Variants in SUGCT observed in about 807,000 individuals in gnomAD.
SUGCT encodes the protein succinyl-CoA:glutarate CoA-transferase.
A neutral mutation model predicts 55.0 loss-of-function variants in SUGCT; 41 were observed. That is an observed-to-expected ratio of 0.74 (90% confidence interval 0.58 to 0.97). The LOEUF (loss-of-function observed/expected upper bound fraction) is 0.97, where lower values mean the gene tolerates loss of function less well. Among genes scored for constraint, SUGCT ranks in the 50% least tolerant of loss-of-function variants. The probability of loss-of-function intolerance (pLI) is 0.00; values close to 1 mark genes in which losing one functional copy is unlikely to be tolerated. For missense variants in SUGCT, 568 were observed against 547.8 expected (o/e 1.04, Z -0.37); for synonymous variants, 187 against 200.4 (o/e 0.93, Z 0.56).
At chr7:40,585,598 CTT>C (rs1156553993) in intron 12 of SUGCT, among the ~76,000 whole-genome samples, 2 of 152,176 alleles carry the variant, frequency 1.3e-5, no homozygotes, top group African/African-American at 4.8e-5. Context: ...GTGTTGAACT[CTT>C]AGGCTCAACC....
At position 40,480,055 on chromosome 7, in the gene SUGCT, G is replaced by A. The variant is rs532127355; in HGVS notation, c.987-16229G>A. Among the ~76,000 whole-genome samples the A allele has an allele frequency of 2.0e-5, 3 of 151,930 alleles. No individual in the cohort carries two copies. The East Asian group carries it at 5.8e-4, about 29-fold the overall frequency. On this transcript the variant is annotated intron_variant, in intron 11 of 13. Coordinates refer to ENST00000335693, the MANE Select transcript of SUGCT (RefSeq NM_001193313.2). ...TCATTTGTCTATTTTTGCTTTTGTT[G>A]CTAGTGCTTTTATGGCCATAATCTA...
At chr7:40,347,614 A>G (rs1797386860) in intron 9 of SUGCT, among the ~76,000 whole-genome samples, 1 of 152,248 alleles carries the variant, frequency 6.6e-6, no homozygotes, top group Non-Finnish European at 1.5e-5. Context: ...TAATCAAAAA[A>G]TGAGAAAGCA....
At chr7:40,831,065 T>C (rs1162534619) in intron 13 of SUGCT, among the ~76,000 whole-genome samples, 7 of 152,162 alleles carry the variant, frequency 4.6e-5, no homozygotes, top group Non-Finnish European at 1.0e-4. Context: ...AGAGGTTAAG[T>C]ATTTAGCTTA....
intron 9 of SUGCT, among the ~76,000 whole-genome samples, chr7:40,368,090 T>A (rs1784103421): frequency 6.6e-6 from 1 of 152,218 alleles, no homozygotes; most frequent in Non-Finnish European, 1.5e-5. Context: ...AGATTTTGTC[T>A]CTATTGTCAT....
chr7:40,985,452 A>C, the SUGCT span, among the ~76,000 whole-genome samples: 1 of 152,228 alleles, frequency 6.6e-6, no homozygotes, highest in Admixed American at 6.5e-5. Context: ...CTAAATGATC[A>C]GGAAGAAGGG....
At chr7:40,594,822 A>G (rs1797917297) in intron 12 of SUGCT, among the ~76,000 whole-genome samples, 1 of 152,216 alleles carries the variant, frequency 6.6e-6, no homozygotes, top group Non-Finnish European at 1.5e-5. Flanking sequence ...TGGTTGAAGT[A>G]GGGAGAGAAA....
chr7:40,336,726 G>A (rs1345303222), intron 9 of SUGCT, among the ~76,000 whole-genome samples: 3 of 152,066 alleles, frequency 2.0e-5, no homozygotes, highest in Admixed American at 6.6e-5. Context: ...TTTTTTGAAG[G>A]GTTTTTTGTG....
chr7:40,905,606 T>C, the SUGCT span, among the ~76,000 whole-genome samples: 1 of 152,310 alleles, frequency 6.6e-6, no homozygotes, highest in South Asian at 2.1e-4. Flanking sequence ...CATTCACTAC[T>C]GTGTACTCAG....
At chr7:40,201,102 A>T (rs910000688) in intron 6 of SUGCT, among the ~76,000 whole-genome samples, 2 of 152,206 alleles carry the variant, frequency 1.3e-5, no homozygotes, top group East Asian at 3.8e-4. Flanking sequence ...TAGGATCTGC[A>T]AATCCATACT....
At chr7:40,887,728 A>G in the SUGCT span, among the ~76,000 whole-genome samples, 21 of 152,292 alleles carry the variant, frequency 1.4e-4, no homozygotes, top group African/African-American at 5.1e-4. Flanking sequence ...CAAAGGTGGG[A>G]GGGCTGAGCT....
At chr7:40,479,199 A>G (rs1317626711) in intron 11 of SUGCT, among the ~76,000 whole-genome samples, 2 of 152,184 alleles carry the variant, frequency 1.3e-5, no homozygotes, top group African/African-American at 4.8e-5. Context: ...CATGAGAGTG[A>G]AGATATCTCT....
intron 12 of SUGCT, among the ~76,000 whole-genome samples, chr7:40,618,967 T>C (rs183142431): frequency 6.6e-6 from 1 of 152,334 alleles, no homozygotes; most frequent in East Asian, 1.9e-4. Context: ...ACTCTCCTAA[T>C]TAGAGCCATC....
At chr7:40,559,176 C>G (rs551054645) in intron 12 of SUGCT, among the ~76,000 whole-genome samples, 1 of 152,290 alleles carries the variant, frequency 6.6e-6, no homozygotes, top group Non-Finnish European at 1.5e-5. Context: ...CCACATGGGT[C>G]CACTTGGTTT....
chr7:40,690,172 T>A (rs997692335), intron 12 of SUGCT, among the ~76,000 whole-genome samples: 1 of 152,162 alleles, frequency 6.6e-6, no homozygotes, highest in Non-Finnish European at 1.5e-5. Context: ...ATGTGGAGCT[T>A]GGGATATGGG....
chr7:40,434,419 T>C (rs1472731819), intron 9 of SUGCT, among the ~76,000 whole-genome samples: 1 of 152,124 alleles, frequency 6.6e-6, no homozygotes, highest in Non-Finnish European at 1.5e-5. Context: ...TCTCTTCCTA[T>C]AGTCACACAT....
At chr7:40,556,094 G>A (rs1048149959) in intron 12 of SUGCT, among the ~76,000 whole-genome samples, 3 of 152,054 alleles carry the variant, frequency 2.0e-5, no homozygotes, top group Non-Finnish European at 4.4e-5. Flanking sequence ...CAGTGCCTTA[G>A]ATGCAATACA....
chr7:40,633,670 G>A (rs1033863835), intron 12 of SUGCT, among the ~76,000 whole-genome samples: 2 of 152,116 alleles, frequency 1.3e-5, no homozygotes, highest in African/African-American at 4.8e-5. Flanking sequence ...TGAATCTCAA[G>A]CAAAACCCAC....
chr7:40,801,733 C>G (rs1250456128), intron 13 of SUGCT, among the ~76,000 whole-genome samples: 1 of 151,958 alleles, frequency 6.6e-6, no homozygotes, highest in Non-Finnish European at 1.5e-5. Flanking sequence ...GAACTTTGAA[C>G]TCATGTTTAT....
At position 40,372,990 on chromosome 7, in the gene SUGCT, C is replaced by T. The variant is rs142960560; in HGVS notation, c.816+56135C>T. Among the ~76,000 whole-genome samples the T allele has an allele frequency of 2.3e-3, 353 of 151,998 alleles. 4 individuals carry two copies. The highest frequency in any genetic ancestry group is 8.0e-3 in the African/African-American group (334 of 41,510). On this transcript the variant is annotated intron_variant, in intron 9 of 13. Coordinates refer to ENST00000335693, the MANE Select transcript of SUGCT (RefSeq NM_001193313.2). The stretch of plus-strand genomic sequence containing the variant: ...GATTATTAGGTTGCAAGAGCCAACT[C>T]TAAGAATTAAGATTTGTGCTGTATG...
Sources: allele counts gnomAD v4.1 joint callset (sites outside exome capture counted in the v4.1 genomes callset), GRCh38; gene constraint gnomAD v4.1.1; transcripts MANE v1.5; gene names NCBI Gene and HGNC (gene_info 2026-07-23, HGNC 2026-07-21).